GSG1L: variants seen among roughly 807,000 people sequenced by gnomAD.
The protein encoded by GSG1L is germ cell-specific gene 1-like protein.
In GSG1L, 24 loss-of-function variants were observed where a neutral mutation model predicts 42.1. The observed-to-expected ratio is 0.57, with a 90% confidence interval of 0.41 to 0.80. The LOEUF (loss-of-function observed/expected upper bound fraction) is 0.80, where lower values mean the gene tolerates loss of function less well. GSG1L is among the 30% of genes least tolerant of loss of function. GSG1L has a pLI of 0.00. For synonymous variants in GSG1L, 215 were observed against 203.5 expected (o/e 1.06, Z -0.48); for missense variants, 445 against 472.2 (o/e 0.94, Z 0.53).
At chr16:27,943,601 G>A (rs1272607130) in intron 2 of GSG1L, among the ~76,000 whole-genome samples, 1 of 101,536 alleles carries the variant, frequency 9.8e-6, no homozygotes, top group Non-Finnish European at 1.8e-5. Flanking sequence ...TTGAGGCAGA[G>A]TCTTGCTGTG....
rs146562620 is a variant in GSG1L at position 28,042,654 on chromosome 16, G to GA, written c.349+20421dup. The stretch of plus-strand genomic sequence containing the variant: ...TCTTTCCATACAGAAAAGAAAGGGG[G>GA]AAATCATTGCAAATAAGACACTGGG... On this transcript the variant is annotated intron_variant, in intron 1 of 6. Transcript: ENST00000447459. Among the ~76,000 whole-genome samples, 1,012 of 152,184 alleles carry GA rather than the reference G, an allele frequency of 6.6e-3. 16 individuals are homozygous for GA. The highest frequency in any genetic ancestry group is 0.023 in the African/African-American group (953 of 41,546).
At chr16:27,947,591 AAGAAAGAAAAAG>A (rs2084898374) in intron 2 of GSG1L, among the ~76,000 whole-genome samples, 1 of 96,380 alleles carries the variant, frequency 1.0e-5, no homozygotes, top group Admixed American at 9.2e-5. Flanking sequence ...GAAAGAAAGA[AAGAAAGAAAAAG>A]AAAGAAAGAA....
At chr16:28,007,992 C>T (rs769419972) in intron 1 of GSG1L, among the ~76,000 whole-genome samples, 50 of 152,282 alleles carry the variant, frequency 3.3e-4, no homozygotes, top group Middle Eastern at 3.4e-3. Context: ...AGAAACTGCA[C>T]GCATTTTACG....
chr16:27,842,526 T>A (rs2083397806), intron 4 of GSG1L, among the ~76,000 whole-genome samples: 1 of 152,138 alleles, frequency 6.6e-6, no homozygotes, highest in African/African-American at 2.4e-5. Context: ...AAATATTAGT[T>A]CCCTTCCTCT....
At chr16:27,909,381 CTTTTTTT>C (rs34041209) in intron 2 of GSG1L, among the ~76,000 whole-genome samples, 5 of 117,808 alleles carry the variant, frequency 4.2e-5, no homozygotes, top group South Asian at 2.7e-4. Context: ...TCTTCTTTTT[CTTTTTTT>C]TTTTTTTTTT....
At chr16:27,853,318 C>T (rs2083537267) in intron 3 of GSG1L, among the ~76,000 whole-genome samples, 1 of 152,128 alleles carries the variant, frequency 6.6e-6, no homozygotes. Flanking sequence ...TAAAACTTGC[C>T]CAGACCTATT....
intron 6 of GSG1L, among the ~76,000 whole-genome samples, chr16:27,804,227 C>A (rs573035110): frequency 6.6e-6 from 1 of 152,108 alleles, no homozygotes; most frequent in East Asian, 1.9e-4. Flanking sequence ...CTCCTGCCAC[C>A]GTCGGCCCCT....
intron 3 of GSG1L, chr16:27,863,137 G>T (rs745923954): frequency 6.6e-6 from 1 of 151,970 alleles, no homozygotes; most frequent in Non-Finnish European, 1.5e-5. Context: ...AGTTTTTGTT[G>T]TTAGGAAAAT....
intron 1 of GSG1L, among the ~76,000 whole-genome samples, chr16:28,003,445 T>A (rs1302494794): frequency 3.3e-5 from 5 of 152,258 alleles, no homozygotes; most frequent in Non-Finnish European, 7.4e-5. Context: ...CCACCCCTTG[T>A]CCCTGTGACC....
At chr16:28,000,300 T>C (rs886421540) in intron 1 of GSG1L, among the ~76,000 whole-genome samples, 3 of 152,206 alleles carry the variant, frequency 2.0e-5, no homozygotes, top group African/African-American at 7.2e-5. Flanking sequence ...AGACCTCGTC[T>C]CTACCAAATA....
chr16:28,034,267 CCCATCCCATT>C (rs2086006406), intron 1 of GSG1L, among the ~76,000 whole-genome samples: 24 of 134,170 alleles, frequency 1.8e-4, no homozygotes, highest in Admixed American at 1.7e-3. Flanking sequence ...CCCATCCCAT[CCCATCCCATT>C]CCATCCCAAC....
chr16:27,839,343 C>T (rs965344463), intron 4 of GSG1L, among the ~76,000 whole-genome samples: 8 of 152,240 alleles, frequency 5.3e-5, no homozygotes, highest in African/African-American at 1.9e-4. Context: ...AGCTTCCACA[C>T]CACGATGTCC....
intron 1 of GSG1L, among the ~76,000 whole-genome samples, chr16:28,036,545 T>G (rs1423079354): frequency 6.6e-6 from 1 of 152,226 alleles, no homozygotes; most frequent in Non-Finnish European, 1.5e-5. Context: ...CCCAGGACAC[T>G]GCTTCGGCTG....
intron 5 of GSG1L, among the ~76,000 whole-genome samples, chr16:27,827,893 TCCATCCATCC>T (rs1567473196): frequency 2.4e-4 from 21 of 86,706 alleles, no homozygotes; most frequent in Admixed American, 6.0e-4. Flanking sequence ...CATCCATCCA[TCCATCCATCC>T]CTTCACCTAC....
At position 27,792,347 on chromosome 16, in the gene GSG1L, C is replaced by A. The variant is rs1213166981; in HGVS notation, c.899-880G>T. Reference sequence around the variant, plus strand: ...TCTCTGGGCACCGAGGCAGGGGGCACCTGCCACTGTCTACCACACTTAGTG... The same window carrying A: ...TCTCTGGGCACCGAGGCAGGGGGCAACTGCCACTGTCTACCACACTTAGTG... On this transcript the variant is annotated intron_variant, in intron 6 of 6. Coordinates refer to ENST00000447459, the MANE Select transcript of GSG1L (RefSeq NM_001109763.2). 2.0e-5 allele frequency among the ~76,000 whole-genome samples: 3 copies of A among 152,268 alleles called. No individual in the cohort carries two copies. The East Asian group carries it at 5.8e-4, about 29-fold the overall frequency.
intron 5 of GSG1L, among the ~76,000 whole-genome samples, chr16:27,818,556 G>A (rs1029616228): frequency 6.6e-6 from 1 of 152,072 alleles, no homozygotes; most frequent in Admixed American, 6.6e-5. Context: ...AGTGAAGACA[G>A]ATGGATGAGA....
In GSG1L at chr16:28,063,342, A is replaced by G; in HGVS notation, c.83T>C (p.Leu28Pro). The change falls in exon 1 of 7, where the codon CTC (leucine) becomes CCC (proline). Residue 28 changes from leucine to proline, a missense_variant. Coordinates refer to ENST00000447459, the MANE Select transcript of GSG1L (RefSeq NM_001109763.2). The surrounding 1 kb of genome is among the most constrained non-coding windows in gnomAD (Gnocchi z 5.8). ...CGTGCCCTGGCACCAGTGCGTGGTG[A>G]GGAAAGCGGTGGTGGCGAACAGCAG... ...LALLFATTAFLTTHWCQGTQR... is the reference protein window; with the variant it reads ...LALLFATTAFPTTHWCQGTQR... 7.1e-7 allele frequency: 1 copy of G among 1,405,604 alleles called. No individual in the cohort carries two copies. Among genetic ancestry groups the G allele is most frequent in the Non-Finnish European group, 9.3e-7 (1 of 1,072,922 alleles). 87.1% of individuals were successfully genotyped at this position (1,405,604 alleles called of 1,614,324 possible).
At chr16:27,895,641 C>T (rs1378243921) in intron 2 of GSG1L, among the ~76,000 whole-genome samples, 1 of 152,180 alleles carries the variant, frequency 6.6e-6, no homozygotes. Context: ...AAGCCAAGGG[C>T]ATGGATCTGA....
At chr16:27,872,009 G>A (rs2083827664) in intron 3 of GSG1L, among the ~76,000 whole-genome samples, 1 of 152,196 alleles carries the variant, frequency 6.6e-6, no homozygotes, top group Non-Finnish European at 1.5e-5. Context: ...AGCATGATAT[G>A]TAAATGATAC....
Sources: gnomAD v4.1 joint callset for allele counts (sites outside exome capture counted in the v4.1 genomes callset) on GRCh38, gnomAD v4.1.1 for gene constraint, Gnocchi (gnomAD v3.1) non-coding constraint, MANE v1.5 for transcripts, NCBI Gene and HGNC (gene_info 2026-07-23, HGNC 2026-07-21) for gene names.